The following NTM variants were observed in gnomAD, a reference collection of about 807,000 sequenced individuals.
The protein encoded by NTM is IgLON family member 2.
In NTM, 13 loss-of-function variants were observed where a neutral mutation model predicts 42.1. That is an observed-to-expected ratio of 0.31 (90% CI 0.20 to 0.49). The LOEUF (loss-of-function observed/expected upper bound fraction) is 0.49, where lower values mean the gene tolerates loss of function less well. NTM is among the 20% of genes least tolerant of loss of function. The pLI is 0.99. For missense variants in NTM, 373 were observed against 452.8 expected, an observed-to-expected ratio of 0.82 and a Z score of 1.60; for synonymous variants, 187 against 179.2, an observed-to-expected ratio of 1.04 and a Z score of -0.35.
chr11:131,700,569 C>T (rs2075969645), intron 1 of NTM, among the ~76,000 whole-genome samples: 1 of 152,242 alleles, frequency 6.6e-6, no homozygotes, highest in Admixed American at 6.5e-5. Context: ...AAGACTTACA[C>T]TGTGCTTACT....
chr11:132,262,841 A>G (rs1466043772), intron 4 of NTM, among the ~76,000 whole-genome samples: 2 of 152,222 alleles, frequency 1.3e-5, no homozygotes, highest in African/African-American at 2.4e-5. Flanking sequence ...AATGAACTCT[A>G]AAGTCCAAAG....
At chr11:131,373,271 C>G (rs921860951) in intron 1 of NTM, among the ~76,000 whole-genome samples, 1 of 152,124 alleles carries the variant, frequency 6.6e-6, no homozygotes, top group Non-Finnish European at 1.5e-5. Context: ...TTGCATTGAC[C>G]CAGTGGGACT....
At chr11:131,783,656 G>A (rs572954054) in intron 1 of NTM, among the ~76,000 whole-genome samples, 2 of 152,026 alleles carry the variant, frequency 1.3e-5, no homozygotes, top group African/African-American at 4.8e-5. Context: ...ATGAACCACA[G>A]TTCATATAAG....
intron 1 of NTM, among the ~76,000 whole-genome samples, chr11:131,873,634 T>TACACATATATATATAC (rs1283367276): frequency 7.8e-6 from 1 of 128,298 alleles, no homozygotes; most frequent in African/African-American, 3.2e-5. Flanking sequence ...CATATATATA[T>TACACATATATATATAC]ACACATATAT....
chr11:132,248,910 G>A (rs371701363), intron 4 of NTM, among the ~76,000 whole-genome samples: 8 of 152,306 alleles, frequency 5.3e-5, no homozygotes, highest in Non-Finnish European at 1.2e-4. Flanking sequence ...CTTCTTTCCC[G>A]GGGGAAATGT....
chr11:131,709,375 G>A (rs929282744), intron 1 of NTM, among the ~76,000 whole-genome samples: 5 of 152,188 alleles, frequency 3.3e-5, no homozygotes, highest in African/African-American at 1.2e-4. Context: ...AGTGGAAGCA[G>A]GCAGACTTGT....
intron 1 of NTM, among the ~76,000 whole-genome samples, chr11:131,475,922 C>A (rs572542888): frequency 6.6e-6 from 1 of 152,150 alleles, no homozygotes; most frequent in South Asian, 2.1e-4. Context: ...ATGTATTGAC[C>A]ACCTATTATG....
At chr11:131,683,528 G>A (rs1005522831) in intron 1 of NTM, among the ~76,000 whole-genome samples, 4 of 152,252 alleles carry the variant, frequency 2.6e-5, no homozygotes, top group Non-Finnish European at 4.4e-5. Context: ...GGGGCTGATG[G>A]ACCCTAATTG....
chr11:132,254,440 G>A (rs187996982), intron 4 of NTM, among the ~76,000 whole-genome samples: 1 of 151,634 alleles, frequency 6.6e-6, no homozygotes, highest in East Asian at 2.0e-4. Context: ...CCACGTCTCT[G>A]TACACACCCA....
At chr11:132,125,573 A>AGTGTGTGGTGTG (rs2065602023) in intron 2 of NTM, among the ~76,000 whole-genome samples, 1 of 98,292 alleles carries the variant, frequency 1.0e-5, no homozygotes, top group Non-Finnish European at 2.1e-5. Context: ...GTGGGGTATG[A>AGTGTGTGGTGTG]ATGTGTATGT....
At chr11:131,789,595 GA>G (rs1565552499) in intron 1 of NTM, among the ~76,000 whole-genome samples, 1 of 72,758 alleles carries the variant, frequency 1.4e-5, no homozygotes, top group African/African-American at 7.4e-5. Context: ...AGAAGAAGAA[GA>G]AGAAGAAGAA....
At chr11:131,652,271 T>C (rs1221999198) in intron 1 of NTM, among the ~76,000 whole-genome samples, 1 of 152,172 alleles carries the variant, frequency 6.6e-6, no homozygotes, top group African/African-American at 2.4e-5. Flanking sequence ...ATGATCATTG[T>C]GTTTTTTTTC....
intron 1 of NTM, among the ~76,000 whole-genome samples, chr11:131,495,203 T>A (rs922387256): frequency 2.0e-5 from 3 of 152,160 alleles, no homozygotes; most frequent in Non-Finnish European, 4.4e-5. Flanking sequence ...AGCCGCTAGT[T>A]CCCAGCATGG....
intron 4 of NTM, among the ~76,000 whole-genome samples, chr11:132,212,395 G>A (rs1307143863): frequency 1.3e-5 from 2 of 152,154 alleles, no homozygotes; most frequent in African/African-American, 2.4e-5. Flanking sequence ...GTTGTCTCTG[G>A]GTGAAATGGT....
At chr11:131,914,218 G>A (rs2055859604) in intron 2 of NTM, among the ~76,000 whole-genome samples, 1 of 152,222 alleles carries the variant, frequency 6.6e-6, no homozygotes, top group Non-Finnish European at 1.5e-5. Context: ...GTAGTTCAGA[G>A]TTCTGAGTTA....
intron 4 of NTM, among the ~76,000 whole-genome samples, chr11:132,254,609 A>AT (rs1407113093): frequency 2.0e-5 from 3 of 151,096 alleles, no homozygotes; most frequent in African/African-American, 7.3e-5. Flanking sequence ...CTCTTTGTAT[A>AT]TTTTTCTTCT....
intron 1 of NTM, chr11:131,910,894 G>A: frequency 1.0e-6 from 1 of 986,144 alleles, no homozygotes; most frequent in Non-Finnish European, 1.2e-6. Context: ...CGGATCGCAC[G>A]AAGCCCGCGC....
At chr11:131,563,420 C>T (rs1043821314) in intron 1 of NTM, among the ~76,000 whole-genome samples, 1 of 152,120 alleles carries the variant, frequency 6.6e-6, no homozygotes, top group African/African-American at 2.4e-5. Flanking sequence ...GAAAAATCTT[C>T]CTATTTTACC....
chr11:132,132,316 ATTTC>A (rs1215810312), intron 2 of NTM, among the ~76,000 whole-genome samples: 3 of 152,118 alleles, frequency 2.0e-5, no homozygotes, highest in Non-Finnish European at 4.4e-5. Context: ...AATTGGGTCT[ATTTC>A]TTTCTGTATC....
Sources: gnomAD v4.1 joint callset for allele counts (sites outside exome capture counted in the v4.1 genomes callset) on GRCh38, gnomAD v4.1.1 for gene constraint, MANE v1.5 for transcripts, NCBI Gene and HGNC (gene_info 2026-07-23, HGNC 2026-07-21) for gene names.